The following POU6F2 variants were observed in gnomAD, a reference collection of about 807,000 sequenced individuals.
POU6F2 encodes POU domain, class 6, transcription factor 2.
POU6F2 carries 31 observed loss-of-function variants against 71.3 expected under a neutral mutation model. The observed-to-expected ratio is 0.43, with a 90% CI of 0.33 to 0.59. POU6F2 has a LOEUF of 0.59. POU6F2 is among the 20% of genes least tolerant of loss of function. The probability of loss-of-function intolerance (pLI) is 0.04; values close to 1 mark genes in which losing one functional copy is unlikely to be tolerated. For missense variants in POU6F2, 783 were observed against 856.8 expected (o/e 0.91, Z 1.07); for synonymous variants, 347 against 355.7 (o/e 0.98, Z 0.27).
At chr7:39,018,370 C>G (rs1189019384) in intron 1 of POU6F2, among the ~76,000 whole-genome samples, 1 of 152,114 alleles carries the variant, frequency 6.6e-6, no homozygotes, top group Non-Finnish European at 1.5e-5. Context: ...GTTACTGTGT[C>G]AGGTGTGAAG....
rs367793536 is a variant in POU6F2 at position 39,464,725 on chromosome 7, A to C, written c.*39A>C. ...CATAATCAGAAGCAAAATTCACAGAAACTAAACTCCACCCTTGGGACTCCA... is the reference window on the plus strand; with the variant it reads ...CATAATCAGAAGCAAAATTCACAGACACTAAACTCCACCCTTGGGACTCCA... On this transcript the variant is annotated 3_prime_UTR_variant, in exon 10 of 10. Coordinates refer to ENST00000518318, the MANE Select transcript of POU6F2 (RefSeq NM_001370959.1). This position sits in a 1 kb window ranked among gnomAD's most constrained non-coding sequence, Gnocchi z 4.1. The C allele has an allele frequency of 2.1e-5, 33 of 1,551,718 alleles. No homozygotes were observed. Among genetic ancestry groups the C allele is most frequent in the African/African-American group, 2.7e-5 (2 of 72,974 alleles).
At chr7:39,164,974 C>T (rs1241683814) in intron 2 of POU6F2, among the ~76,000 whole-genome samples, 1 of 152,026 alleles carries the variant, frequency 6.6e-6, no homozygotes, top group Admixed American at 6.6e-5. Context: ...ATGGTGCCAC[C>T]CATTATTTTT....
At position 39,460,468 on chromosome 7, in the gene POU6F2, T is replaced by G. The variant is rs550690322; in HGVS notation, c.1490-79T>G. The G allele has an allele frequency of 4.6e-6, 7 of 1,511,282 alleles. No homozygotes were observed. Among genetic ancestry groups the G allele is most frequent in the Non-Finnish European group, 6.3e-6 (7 of 1,109,764 alleles). 93.6% of individuals were successfully genotyped at this position (1,511,282 alleles called of 1,614,324 possible). A position where few individuals can be genotyped will look rare whatever the true frequency, so the allele number is the denominator to read the frequency against. ...TGCTCTGCTGTTAAAGAGAGCCACT[T>G]TCTTATAAACCGTAATAAACAGATA... is the stretch of plus-strand genomic sequence containing the variant. On this transcript the variant is annotated intron_variant, in intron 8 of 9. Transcript: ENST00000518318. This position sits in a 1 kb window ranked among gnomAD's most constrained non-coding sequence, Gnocchi z 4.4.
At chr7:39,188,168 C>A (rs913509472) in intron 2 of POU6F2, among the ~76,000 whole-genome samples, 1 of 152,196 alleles carries the variant, frequency 6.6e-6, no homozygotes, top group Non-Finnish European at 1.5e-5. Flanking sequence ...AATTATGATG[C>A]AGGTGCTATT....
At chr7:39,291,589 A>G (rs1483832651) in intron 4 of POU6F2, among the ~76,000 whole-genome samples, 2 of 152,120 alleles carry the variant, frequency 1.3e-5, no homozygotes, top group Admixed American at 1.3e-4. Flanking sequence ...TCTAGTGGCA[A>G]TTTCCCAACG....
chr7:39,082,894 A>C (rs1791156703), intron 1 of POU6F2, among the ~76,000 whole-genome samples: 1 of 152,148 alleles, frequency 6.6e-6, no homozygotes, highest in Admixed American at 6.5e-5. Flanking sequence ...TGTAAGACAA[A>C]AAAAATTAAA....
intron 4 of POU6F2, among the ~76,000 whole-genome samples, chr7:39,222,445 T>C (rs1322840473): frequency 6.6e-6 from 1 of 152,200 alleles, no homozygotes; most frequent in Non-Finnish European, 1.5e-5. Flanking sequence ...TTTTTAAGTG[T>C]ACAGTTCTGT....
At chr7:39,093,073 C>A (rs1206815080) in intron 2 of POU6F2, among the ~76,000 whole-genome samples, 1 of 152,016 alleles carries the variant, frequency 6.6e-6, no homozygotes, top group Non-Finnish European at 1.5e-5. Flanking sequence ...CCAAACTTCT[C>A]TTATAGTTTT....
intron 4 of POU6F2, among the ~76,000 whole-genome samples, chr7:39,222,028 T>C (rs1372411121): frequency 1.3e-5 from 2 of 152,218 alleles, no homozygotes; most frequent in Admixed American, 6.5e-5. Context: ...TCTCTGTTAG[T>C]TACTTATTTT....
intron 8 of POU6F2, among the ~76,000 whole-genome samples, chr7:39,459,691 C>T (rs1482171933): frequency 2.0e-5 from 3 of 152,166 alleles, no homozygotes; most frequent in East Asian, 1.9e-4. Context: ...GGCTTTGCTA[C>T]AGGCAGGATT....
intron 1 of POU6F2, among the ~76,000 whole-genome samples, chr7:39,032,208 A>T (rs1320995187): frequency 1.3e-5 from 2 of 152,130 alleles, no homozygotes; most frequent in Non-Finnish European, 2.9e-5. Flanking sequence ...ATTTCTTAGG[A>T]TTCTTAACAT....
intron 4 of POU6F2, among the ~76,000 whole-genome samples, chr7:39,270,112 C>A (rs769289914): frequency 2.6e-5 from 4 of 152,188 alleles, no homozygotes; most frequent in Non-Finnish European, 5.9e-5. Flanking sequence ...AGACAGGGCA[C>A]CATCACAGAT....
intron 4 of POU6F2, among the ~76,000 whole-genome samples, chr7:39,325,382 C>G (rs575706012): frequency 1.7e-4 from 26 of 152,110 alleles, no homozygotes; most frequent in Non-Finnish European, 2.9e-4. Flanking sequence ...TCTGGAAACC[C>G]TTTTTGGCAA....
chr7:39,068,455 A>G (rs1790805391), intron 1 of POU6F2, among the ~76,000 whole-genome samples: 1 of 148,330 alleles, frequency 6.7e-6, no homozygotes, highest in African/African-American at 2.6e-5. Flanking sequence ...AACACCAAGA[A>G]AGATAACAGA....
At chr7:39,208,627 G>A (rs1435161412) in intron 4 of POU6F2, among the ~76,000 whole-genome samples, 1 of 152,168 alleles carries the variant, frequency 6.6e-6, no homozygotes, top group Non-Finnish European at 1.5e-5. Context: ...TCTATGTTCT[G>A]TTACCCCACC....
chr7:39,232,153 T>C (rs1794588770), intron 4 of POU6F2, among the ~76,000 whole-genome samples: 1 of 152,186 alleles, frequency 6.6e-6, no homozygotes, highest in African/African-American at 2.4e-5. Flanking sequence ...CTGAAGTATA[T>C]AAATATTCAA....
intron 1 of POU6F2, among the ~76,000 whole-genome samples, chr7:39,084,761 C>A (rs1791200062): frequency 6.6e-6 from 1 of 152,050 alleles, no homozygotes; most frequent in South Asian, 2.1e-4. Context: ...AATGGTGGGA[C>A]CCGGGAGCAT....
intron 1 of POU6F2, among the ~76,000 whole-genome samples, chr7:39,047,889 T>C (rs555057354): frequency 7.9e-5 from 12 of 152,068 alleles, no homozygotes; most frequent in Non-Finnish European, 1.5e-4. Flanking sequence ...GTATAAAATA[T>C]GTTTAAACTG....
At chr7:39,401,982 T>C (rs1283029516) in intron 5 of POU6F2, among the ~76,000 whole-genome samples, 1 of 152,204 alleles carries the variant, frequency 6.6e-6, no homozygotes, top group Non-Finnish European at 1.5e-5. Context: ...ATAGCTAAAT[T>C]GCCTCATCAT....
Sources: allele counts gnomAD v4.1 joint callset (sites outside exome capture counted in the v4.1 genomes callset), GRCh38; gene constraint gnomAD v4.1.1; non-coding constraint Gnocchi (gnomAD v3.1); transcripts MANE v1.5; gene names NCBI Gene and HGNC (gene_info 2026-07-23, HGNC 2026-07-21).